CA5A: variants seen among roughly 807,000 people sequenced by gnomAD.
CA5A encodes the protein carbonic anhydrase 5A, mitochondrial.
CA5A carries 28 observed loss-of-function variants against 37.1 expected under a neutral mutation model. The ratio of observed to expected loss-of-function variants is 0.75; its 90% CI spans 0.56 to 1.03. CA5A has a LOEUF of 1.03. Ranked by LOEUF, CA5A falls within the 50% of genes least tolerant of loss-of-function variation. CA5A has a pLI of 0.00. For missense variants in CA5A, 444 were observed against 399.9 expected (o/e 1.11, Z -0.94); for synonymous variants, 171 against 158.4 (o/e 1.08, Z -0.60).
At chr16:87,909,554 G>A (rs902053325) in intron 2 of CA5A, among the ~76,000 whole-genome samples, 1 of 152,240 alleles carries the variant, frequency 6.6e-6, no homozygotes, top group Non-Finnish European at 1.5e-5. Flanking sequence ...TGGCAGTTCG[G>A]TGAAGAGCAA....
rs1440129747 is a variant in CA5A at position 87,904,873 on chromosome 16, G to A, written c.372C>T (p.Tyr124=). The A allele has an allele frequency of 2.5e-6, 4 of 1,612,712 alleles. No homozygotes were observed. The highest frequency in any genetic ancestry group is 3.3e-5 in the Admixed American group (2 of 60,010). The change falls in exon 3 of 7, where the codon TAC becomes TAT. Residue 124 remains tyrosine, a synonymous_variant. Transcript: ENST00000649794. ...AGTGGAAGTGAAATTGCTTCAGTCTGTAGTGGTTTTCCAAGGGCCCACCAC... is the reference window on the plus strand; with the variant it reads ...AGTGGAAGTGAAATTGCTTCAGTCTATAGTGGTTTTCCAAGGGCCCACCAC... The part of the protein sequence containing the change: ...GISGGPLENH[Y]RLKQFHFHWG...
At chr16:87,930,126 G>T (rs1004186108) in intron 1 of CA5A, among the ~76,000 whole-genome samples, 2 of 152,104 alleles carry the variant, frequency 1.3e-5, no homozygotes, top group Non-Finnish European at 2.9e-5. Flanking sequence ...CATCTGCTAG[G>T]GGTCTGCTGT....
At chr16:87,928,949 T>C (rs1410260204) in intron 1 of CA5A, among the ~76,000 whole-genome samples, 3 of 150,384 alleles carry the variant, frequency 2.0e-5, no homozygotes, top group African/African-American at 7.3e-5. Flanking sequence ...TTGTATTTTT[T>C]TCATAGAGAC....
At chr16:87,899,874 C>T (rs1168496984) in intron 5 of CA5A, among the ~76,000 whole-genome samples, 2 of 130,482 alleles carry the variant, frequency 1.5e-5, no homozygotes, top group Non-Finnish European at 3.1e-5. Context: ...GAGCCGAGGT[C>T]GCACCATTGC....
chr16:87,901,792 G>C, intron 5 of CA5A, 120 bp downstream of exon 5: 1 of 683,274 alleles, frequency 1.5e-6, no homozygotes, highest in South Asian at 1.5e-5. Flanking sequence ...TCTCCATGTT[G>C]GTCAGGCTGG....
intron 2 of CA5A, among the ~76,000 whole-genome samples, chr16:87,906,041 C>G (rs1188109279): frequency 1.3e-5 from 2 of 152,226 alleles, no homozygotes; most frequent in Non-Finnish European, 2.9e-5. Flanking sequence ...TCTCCTGTGT[C>G]TAAGTACTTT....
chr16:87,918,730 C>T (rs1157106891), intron 2 of CA5A, among the ~76,000 whole-genome samples: 1 of 152,006 alleles, frequency 6.6e-6, no homozygotes, highest in Non-Finnish European at 1.5e-5. Context: ...GTTTTCATCT[C>T]ATTCTTCTCT....
At chr16:87,917,034 G>C (rs2056154589) in intron 2 of CA5A, among the ~76,000 whole-genome samples, 1 of 151,616 alleles carries the variant, frequency 6.6e-6, no homozygotes, top group South Asian at 2.1e-4. Flanking sequence ...GAACCCGGGA[G>C]GCGGAGGTTG....
chr16:87,884,261 C>CAAAAAAAAAA (rs969489629), downstream of CA5A: 9 of 26,774 alleles, frequency 3.4e-4, no homozygotes, highest in Admixed American at 4.9e-4. Flanking sequence ...ACTAAAAATG[C>CAAAAAAAAAA]AAAAAAAAAA....
chr16:87,893,466 C>T (rs2055754823), intron 5 of CA5A: 2 of 546,572 alleles, frequency 3.7e-6, no homozygotes, highest in African/African-American at 1.9e-5. Context: ...CCAATGAGGG[C>T]ATCCAGTATC....
chr16:87,918,235 C>G (rs1307071883), intron 2 of CA5A, among the ~76,000 whole-genome samples: 1 of 152,264 alleles, frequency 6.6e-6, no homozygotes, highest in Non-Finnish European at 1.5e-5. Flanking sequence ...TCACACAGCC[C>G]TGCCCAATGA....
At position 87,911,653 on chromosome 16, in the gene CA5A, G is replaced by A. The variant is rs2056054310; in HGVS notation, c.341-6749C>T. 6.6e-6 allele frequency among the ~76,000 whole-genome samples: 1 copy of A among 152,150 alleles called. No homozygotes were observed. Among genetic ancestry groups the A allele is most frequent in the Non-Finnish European group, 1.5e-5 (1 of 68,024 alleles). On this transcript the variant is annotated intron_variant, in intron 2 of 6. Transcript: ENST00000649794. The surrounding 1 kb of genome is among the most constrained non-coding windows in gnomAD (Gnocchi z 4.6). ...GTGTGCCACCTCCCCAGGCAGGCAG[G>A]GGCCGCAGCCACTGCAAGCCCCTGC...
chr16:87,936,295 G>C lies in CA5A; in HGVS notation c.142+14C>G, dbSNP rs751769000. On this transcript the variant is annotated intron_variant, in intron 1 of 6. Transcript: ENST00000649794. Reference sequence around the variant, plus strand: ...GATCCAGTCGCATCTTAGGAAATTTGAGGCTCTACTTACAAGTGTTATTGC... The same window carrying C: ...GATCCAGTCGCATCTTAGGAAATTTCAGGCTCTACTTACAAGTGTTATTGC... 6.3e-7 allele frequency: 1 copy of C among 1,592,562 alleles called. No individual in the cohort carries two copies. Among genetic ancestry groups the C allele is most frequent in the Non-Finnish European group, 8.6e-7 (1 of 1,161,924 alleles).
Position 87,888,062 on chromosome 16 carries a change from T to A in CA5A, c.*67A>T. The A allele has an allele frequency of 6.6e-7, 1 of 1,522,886 alleles. No individual in the cohort carries two copies. Among genetic ancestry groups the A allele is most frequent in the Non-Finnish European group, 8.8e-7 (1 of 1,132,030 alleles). 94.3% of individuals were successfully genotyped at this position (1,522,886 alleles called of 1,614,324 possible). A position where few individuals can be genotyped will look rare whatever the true frequency, so the allele number is the denominator to read the frequency against. On this transcript the variant is annotated 3_prime_UTR_variant, in exon 7 of 7. Coordinates refer to ENST00000649794, the MANE Select transcript of CA5A (RefSeq NM_001739.2). ...TCAGAAGTCATGTACAATCACATTG[T>A]GAAACTTGGGAAACAACGCTTCCTT...
chr16:87,928,563 C>G (rs1233425668), intron 1 of CA5A, among the ~76,000 whole-genome samples: 3 of 151,874 alleles, frequency 2.0e-5, no homozygotes, highest in African/African-American at 7.3e-5. Flanking sequence ...ATTGTGAACT[C>G]ATTTTGTGAA....
chr16:87,893,882 C>T (rs1445405647), intron 5 of CA5A: 1 of 238,214 alleles, frequency 4.2e-6, no homozygotes, highest in Non-Finnish European at 8.3e-6. Flanking sequence ...AAGCGATCCC[C>T]CCGCCTCAGT....
At chr16:87,934,747 G>T (rs1450992731) in intron 1 of CA5A, among the ~76,000 whole-genome samples, 1 of 152,170 alleles carries the variant, frequency 6.6e-6, no homozygotes, top group Non-Finnish European at 1.5e-5. Context: ...ACCACCTGAG[G>T]TCGGGAGTTT....
At chr16:87,923,752 A>C in intron 2 of CA5A, 2 of 985,106 alleles carry the variant, frequency 2.0e-6, no homozygotes, top group Non-Finnish European at 2.4e-6. Context: ...AGAGGAAACA[A>C]ATCAGTTATT....
intron 1 of CA5A, among the ~76,000 whole-genome samples, chr16:87,929,732 C>T (rs557850165): frequency 2.0e-4 from 31 of 151,680 alleles, no homozygotes; most frequent in South Asian, 8.3e-4. Context: ...ATTAGCCGGG[C>T]GTGGTGGCGG....
Sources: gnomAD v4.1 joint callset for allele counts (sites outside exome capture counted in the v4.1 genomes callset) on GRCh38, gnomAD v4.1.1 for gene constraint, Gnocchi (gnomAD v3.1) non-coding constraint, MANE v1.5 for transcripts, NCBI Gene and HGNC (gene_info 2026-07-23, HGNC 2026-07-21) for gene names.